The following TNFSF12 variants were observed in gnomAD, a reference collection of about 807,000 sequenced individuals.
The protein encoded by TNFSF12 is TNF superfamily member 12, also known as tumor necrosis factor ligand superfamily member 12.
A neutral mutation model predicts 31.2 loss-of-function variants in TNFSF12; 16 were observed. The observed-to-expected ratio is 0.51, with a 90% CI of 0.35 to 0.78. The LOEUF is 0.78. Ranked by LOEUF, TNFSF12 falls within the 30% of genes least tolerant of loss-of-function variation. The pLI, the probability that TNFSF12 is intolerant of heterozygous loss-of-function variation, is 0.01. For synonymous variants in TNFSF12, 150 were observed against 151.4 expected (o/e 0.99, Z 0.07); for missense variants, 324 against 338.8 (o/e 0.96, Z 0.34).
Position 7,549,540 on chromosome 17 carries a change from G to A in TNFSF12, c.207+19G>A, listed in dbSNP as rs1482129388. 13 of 1,540,702 alleles carry A rather than the reference G, an allele frequency of 8.4e-6. No homozygotes were observed. Among genetic ancestry groups the A allele is most frequent in the African/African-American group, 2.7e-5 (2 of 73,460 alleles). ...CCCGTCGGTGAGTGGGCGTGGGCGC[G>A]GTCTGCAGGCTGCTGGGGCATGGGA... is the stretch of plus-strand genomic sequence containing the variant. On this transcript the variant is annotated intron_variant, in intron 2 of 6. Transcript: ENST00000293825. The surrounding 1 kb of genome is among the most constrained non-coding windows in gnomAD (Gnocchi z 4.1).
intron 5 of TNFSF12, 152 bp from the exon 6 acceptor site, chr17:7,556,626 A>G (rs2150908878): frequency 3.9e-6 from 5 of 1,268,406 alleles, no homozygotes; most frequent in Non-Finnish European, 5.1e-6. Flanking sequence ...AACTATGGGC[A>G]TCATAGGGGA....
Position 7,549,904 on chromosome 17 carries a change from G to A in TNFSF12, c.208-216G>A. ...GGGTCTGCGTTGGTTGTGTGTGTGG[G>A]TGGGAAAGTGTAGCTGGTCTAGAGG... is the stretch of plus-strand genomic sequence containing the variant. On this transcript the variant is annotated intron_variant, in intron 2 of 6. Coordinates refer to ENST00000293825, the MANE Select transcript of TNFSF12 (RefSeq NM_003809.3). This position sits in a 1 kb window ranked among gnomAD's most constrained non-coding sequence, Gnocchi z 4.1. The A allele has an allele frequency of 1.5e-6, 1 of 657,880 alleles. No homozygotes were observed. The highest frequency in any genetic ancestry group is 1.9e-5 in the South Asian group (1 of 52,600). The allele number at this position is 657,880 out of a possible 1,614,324, so 40.8% of individuals were successfully genotyped here.
In TNFSF12 at chr17:7,550,640, C is replaced by T. The variant is rs552824384; in HGVS notation, c.284-159C>T. Among the ~76,000 whole-genome samples, 2 of 152,298 alleles carry T rather than the reference C, an allele frequency of 1.3e-5. No individual in the cohort carries two copies. Among genetic ancestry groups the T allele is most frequent in the South Asian group, 4.1e-4 (2 of 4,832 alleles). On this transcript the variant is annotated intron_variant, in intron 3 of 6. Coordinates refer to ENST00000293825, the MANE Select transcript of TNFSF12 (RefSeq NM_003809.3). This position sits in a 1 kb window ranked among gnomAD's most constrained non-coding sequence, Gnocchi z 4.4. ...CAGTGTGGATGACAAATTATAGTCACTCTACTTACTGAGGAAGATGAGGCC... is the reference window on the plus strand; with the variant it reads ...CAGTGTGGATGACAAATTATAGTCATTCTACTTACTGAGGAAGATGAGGCC...
intron 5 of TNFSF12, among the ~76,000 whole-genome samples, chr17:7,555,147 C>CA (rs59042054): frequency 0.77 from 116,179 of 150,564 alleles, 47,396 homozygotes; most frequent in Non-Finnish European, 0.92. Flanking sequence ...GACTCCATCT[C>CA]AAAAAAAAAT....
At chr17:7,551,381 G>A (rs1361501428) in intron 5 of TNFSF12, among the ~76,000 whole-genome samples, 2 of 151,778 alleles carry the variant, frequency 1.3e-5, no homozygotes, top group African/African-American at 4.8e-5. Flanking sequence ...CCAGCCTCTT[G>A]CTGCTTCCCC....
intron 5 of TNFSF12, among the ~76,000 whole-genome samples, chr17:7,555,631 A>G (rs1281868331): frequency 6.6e-6 from 1 of 152,176 alleles, no homozygotes; most frequent in Admixed American, 6.5e-5. Context: ...GAATGCTGTG[A>G]AAACCAGACA....
At chr17:7,553,562 T>C (rs1235392463) in intron 5 of TNFSF12, 1 of 1,111,434 alleles carries the variant, frequency 9.0e-7, no homozygotes, top group Non-Finnish European at 1.2e-6. Context: ...AAAAGGAAGA[T>C]ACTCTAATTA....
At chr17:7,555,973 G>GTGTTTTTTTTTT (rs1445369237) in intron 5 of TNFSF12, among the ~76,000 whole-genome samples, 1 of 70,878 alleles carries the variant, frequency 1.4e-5, no homozygotes. Context: ...CCCAGTGAGC[G>GTGTTTTTTTTTT]TTTTTTTTGT....
chr17:7,549,061 T>A lies in TNFSF12; in HGVS notation c.-93T>A. On this transcript the variant is annotated 5_prime_UTR_variant, in exon 1 of 7. Coordinates refer to ENST00000293825, the MANE Select transcript of TNFSF12 (RefSeq NM_003809.3). The surrounding 1 kb of genome is among the most constrained non-coding windows in gnomAD (Gnocchi z 4.1). ...GCCCCGTTTCCCTTGCCCCTCCCTC[T>A]CCCCGGCCCGATCCGCCCGCCGGCT... is the stretch of plus-strand genomic sequence containing the variant. 3 of 921,100 alleles carry A rather than the reference T, an allele frequency of 3.3e-6. No homozygotes were observed. The highest frequency in any genetic ancestry group is 4.1e-6 in the Non-Finnish European group (3 of 736,576). 57.1% of individuals were successfully genotyped at this position (921,100 alleles called of 1,614,324 possible).
chr17:7,549,137 C>T lies in TNFSF12; in HGVS notation c.-17C>T. ...CGGGATGGGGGGGCGGTGAGGCAGG[C>T]ACAGCCCCCCGCCCCCATGGCCGCC... On this transcript the variant is annotated 5_prime_UTR_variant, in exon 1 of 7. Transcript: ENST00000293825. The surrounding 1 kb of genome is among the most constrained non-coding windows in gnomAD (Gnocchi z 4.1). The T allele has an allele frequency of 7.9e-7, 1 of 1,262,104 alleles. No individual in the cohort carries two copies. The highest frequency in any genetic ancestry group is 9.9e-7 in the Non-Finnish European group (1 of 1,005,386). The allele number at this position is 1,262,104 out of a possible 1,614,324, so 78.2% of individuals were successfully genotyped here.
chr17:7,551,093 T>G, intron 5 of TNFSF12, 115 bp downstream of exon 5: 2 of 1,552,556 alleles, frequency 1.3e-6, no homozygotes, highest in Non-Finnish European at 1.7e-6. Context: ...AGCCAGTTCA[T>G]GAAGGTCTTG....
rs894641102 is a variant in TNFSF12, at chr17:7,549,609, C to T, written c.207+88C>T. The T allele has an allele frequency of 2.3e-4, 330 of 1,440,878 alleles. No homozygotes were observed. Among genetic ancestry groups the T allele is most frequent in the African/African-American group, 5.9e-4 (42 of 70,600 alleles). The allele number at this position is 1,440,878 out of a possible 1,614,324, so 89.3% of individuals were successfully genotyped here. A position where few individuals can be genotyped will look rare whatever the true frequency, so the allele number is the denominator to read the frequency against. The stretch of plus-strand genomic sequence containing the variant: ...TGCAGGTGTGTGCAGCTGTGCCAGC[C>T]GTACTCGAGGTGTGTGCAGGGTGTG... On this transcript the variant is annotated intron_variant, in intron 2 of 6. Coordinates refer to ENST00000293825, the MANE Select transcript of TNFSF12 (RefSeq NM_003809.3). This position sits in a 1 kb window ranked among gnomAD's most constrained non-coding sequence, Gnocchi z 4.1.
intron 5 of TNFSF12, among the ~76,000 whole-genome samples, chr17:7,553,023 CTTTTTTTTTTTTTTTTT>C (rs71159509): frequency 1.8e-4 from 12 of 66,052 alleles, no homozygotes; most frequent in Admixed American, 7.7e-4. Context: ...CAGGGACAAC[CTTTTTTTTTTTTTTTTT>C]TTTTTTTTTT....
chr17:7,549,411 G>A lies in TNFSF12; in HGVS notation c.160-63G>A. The A allele has an allele frequency of 1.4e-6, 2 of 1,435,150 alleles. No individual in the cohort carries two copies. Among genetic ancestry groups the A allele is most frequent in the Middle Eastern group, 1.9e-4 (1 of 5,264 alleles). 88.9% of individuals were successfully genotyped at this position (1,435,150 alleles called of 1,614,324 possible). A position where few individuals can be genotyped will look rare whatever the true frequency, so the allele number is the denominator to read the frequency against. ...TGGGCTGAAGGCAAGGGGAAGGGAG[G>A]ATGGGTGGAGGGTGAGATGTCAGGT... On this transcript the variant is annotated intron_variant, in intron 1 of 6. Coordinates refer to ENST00000293825, the MANE Select transcript of TNFSF12 (RefSeq NM_003809.3). This position sits in a 1 kb window ranked among gnomAD's most constrained non-coding sequence, Gnocchi z 4.1.
At chr17:7,553,062 T>G (rs1597825277) in intron 5 of TNFSF12, among the ~76,000 whole-genome samples, 1 of 80,298 alleles carries the variant, frequency 1.2e-5, no homozygotes, top group East Asian at 3.8e-4. Flanking sequence ...TTTTTTTTTT[T>G]GTGACAGAGT....
rs2071085086 is a variant in TNFSF12 at position 7,557,291 on chromosome 17, T to C, written c.691T>C (p.Trp231Arg). Reference protein sequence around the residue: ...GSSLRIRTLPWAHLKAAPFLT... With the variant: ...GSSLRIRTLPRAHLKAAPFLT... ...CTCCCTGCGGATCCGCACCCTCCCC[T>C]GGGCCCATCTCAAGGCTGCCCCCTT... is the stretch of plus-strand genomic sequence containing the variant. The change falls in exon 7 of 7, where the codon TGG (tryptophan) becomes CGG (arginine). Residue 231 changes from tryptophan (W) to arginine (R), a missense_variant. Coordinates refer to ENST00000293825, the MANE Select transcript of TNFSF12 (RefSeq NM_003809.3). The surrounding 1 kb of genome is among the most constrained non-coding windows in gnomAD (Gnocchi z 5.2). 1.9e-5 allele frequency: 30 copies of C among 1,613,516 alleles called. No homozygotes were observed. The highest frequency in any genetic ancestry group is 2.5e-5 in the Non-Finnish European group (30 of 1,179,752).
In TNFSF12 at chr17:7,549,892, T is replaced by G; in HGVS notation, c.208-228T>G. On this transcript the variant is annotated intron_variant, in intron 2 of 6. Coordinates refer to ENST00000293825, the MANE Select transcript of TNFSF12 (RefSeq NM_003809.3). This position sits in a 1 kb window ranked among gnomAD's most constrained non-coding sequence, Gnocchi z 4.1. ...CAATTGAATGCAGGGTCTGCGTTGG[T>G]TGTGTGTGTGGGTGGGAAAGTGTAG... The G allele has an allele frequency of 1.6e-6, 1 of 637,904 alleles. No homozygotes were observed. The highest frequency in any genetic ancestry group is 2.7e-6 in the Non-Finnish European group (1 of 369,912). 39.5% of individuals were successfully genotyped at this position (637,904 alleles called of 1,614,324 possible). A position where few individuals can be genotyped will look rare whatever the true frequency, so the allele number is the denominator to read the frequency against.
In TNFSF12 at chr17:7,557,054, G is replaced by A. The variant is rs752278271; in HGVS notation, c.499-45G>A. 19 of 1,573,160 alleles carry A rather than the reference G, an allele frequency of 1.2e-5. No homozygotes were observed. The highest frequency in any genetic ancestry group is 5.4e-5 in the African/African-American group (4 of 74,054). Reference sequence around the variant, plus strand: ...CGCTGAGGAAATTGGAAATTGAGGCGAGGGCAGGCAGAGGCCTGGACTCGG... The same window carrying A: ...CGCTGAGGAAATTGGAAATTGAGGCAAGGGCAGGCAGAGGCCTGGACTCGG... On this transcript the variant is annotated intron_variant, in intron 6 of 6. Coordinates refer to ENST00000293825, the MANE Select transcript of TNFSF12 (RefSeq NM_003809.3). This position sits in a 1 kb window ranked among gnomAD's most constrained non-coding sequence, Gnocchi z 5.2.
At position 7,550,157 on chromosome 17, in the gene TNFSF12, C is replaced by T. The variant is rs370085069; in HGVS notation, c.245C>T (p.Ala82Val). 48 of 1,614,118 alleles carry T rather than the reference C, an allele frequency of 3.0e-5. No homozygotes were observed. The highest frequency in any genetic ancestry group is 2.5e-4 in the East Asian group (11 of 44,890). The change falls in exon 3 of 7, where the codon GCG (alanine) becomes GTG (valine). Residue 82 changes from alanine to valine, a missense_variant. By Grantham distance (64) the Ala-to-Val change is moderately conservative (BLOSUM62 0). Transcript: ENST00000293825. The surrounding 1 kb of genome is among the most constrained non-coding windows in gnomAD (Gnocchi z 4.4). ...CAGACAGAAGAAAGCCAGGATCCTG[C>T]GCCTTTCCTGAACCGACTAGTTCGG... Reference protein sequence around the residue: ...NPQTEESQDPAPFLNRLVRPR... With the variant: ...NPQTEESQDPVPFLNRLVRPR...
Sources: gnomAD v4.1 joint callset for allele counts (sites outside exome capture counted in the v4.1 genomes callset) on GRCh38, gnomAD v4.1.1 for gene constraint, Gnocchi (gnomAD v3.1) non-coding constraint, MANE v1.5 for transcripts, NCBI Gene and HGNC (gene_info 2026-07-23, HGNC 2026-07-21) for gene names.